MRC2: variants seen among roughly 807,000 people sequenced by gnomAD.
MRC2 encodes the protein mannose receptor C-type 2.
Under a neutral mutation model 206.2 loss-of-function variants are expected in MRC2, and 84 were observed. The ratio of observed to expected loss-of-function variants is 0.41; its 90% CI spans 0.34 to 0.49. The LOEUF (loss-of-function observed/expected upper bound fraction) is 0.49. Among genes scored for constraint, MRC2 ranks in the 20% least tolerant of loss-of-function variants. MRC2 has a pLI of 0.31. For synonymous variants in MRC2, 798 were observed against 800.0 expected (o/e 1.00, Z 0.04); for missense variants, 1,676 against 2,001.5 (o/e 0.84, Z 3.10).
rs546292342 is a variant in MRC2, at chr17:62,673,638, A to G, written c.1462-425A>G. Among the ~76,000 whole-genome samples the G allele has an allele frequency of 2.5e-3, 371 of 151,250 alleles. 1 individual carries two copies. The highest frequency in any genetic ancestry group is 3.7e-3 in the Non-Finnish European group (251 of 67,894). ...ATTCTTCTGCCTGAGCCTCCCAAAT[A>G]GCTGGGATTACAGGCATGCACCACC... On this transcript the variant is annotated intron_variant, in intron 8 of 29. Transcript: ENST00000303375.
intron 9 of MRC2, among the ~76,000 whole-genome samples, chr17:62,674,546 G>A (rs1351529360): frequency 2.0e-5 from 3 of 152,228 alleles, no homozygotes; most frequent in East Asian, 1.9e-4. Flanking sequence ...CCTGTGCACC[G>A]CCAGTCCTGA....
Position 62,690,239 on chromosome 17 carries a change from C to T in MRC2, c.3826C>T (p.His1276Tyr). 6.2e-7 allele frequency: 1 copy of T among 1,613,352 alleles called. No individual in the cohort carries two copies. The highest frequency in any genetic ancestry group is 8.5e-7 in the Non-Finnish European group (1 of 1,179,624). The change falls in exon 26 of 30, where the codon CAC becomes TAC. Residue 1276 changes from histidine to tyrosine, a missense_variant. His to Tyr is a moderately conservative substitution (Grantham distance 83). Transcript: ENST00000303375. ...ADSAWIPFRE[H>Y]CYSFHMELLL... ...CTCCGCGTGGATTCCCTTCCGGGAG[C>T]ACTGCTATTCTTTCCACATGGAGCT...
At position 62,675,861 on chromosome 17, in the gene MRC2, C is replaced by A. The variant is rs781371494; in HGVS notation, c.1641C>A (p.Arg547=). 1.2e-6 allele frequency: 2 copies of A among 1,614,158 alleles called. No individual in the cohort carries two copies. The highest frequency in any genetic ancestry group is 1.7e-6 in the Non-Finnish European group (2 of 1,180,012). Residue 547 remains arginine (R), a synonymous_variant, in exon 10 of 30, where the codon CGC becomes CGA. Coordinates refer to ENST00000303375, the MANE Select transcript of MRC2 (RefSeq NM_006039.5). The surrounding 1 kb of genome is among the most constrained non-coding windows in gnomAD (Gnocchi z 4.1). ...EDQVTYSEAR[R]LCTDHGSQLV... ...AAGTGACCTACAGTGAGGCCCGGCGCCTGTGCACTGACCATGGCTCTCAGC... is the reference window on the plus strand; with the variant it reads ...AAGTGACCTACAGTGAGGCCCGGCGACTGTGCACTGACCATGGCTCTCAGC...
intron 8 of MRC2, among the ~76,000 whole-genome samples, chr17:62,673,259 G>A (rs148879576): frequency 2.3e-3 from 352 of 152,260 alleles, no homozygotes; most frequent in Non-Finnish European, 4.2e-3. Flanking sequence ...CTGCTGGCTG[G>A]GGGCCTGTGG....
chr17:62,627,979 G>A, intron 1 of MRC2, 59 bp downstream of exon 1: 2 of 1,197,358 alleles, frequency 1.7e-6, no homozygotes, highest in East Asian at 3.1e-5. Context: ...GCCGAGGCGC[G>A]GGCCGCTCTC....
intron 25 of MRC2, 41 bp from the exon 26 acceptor site, chr17:62,690,115 G>T (rs201021613): frequency 2.5e-5 from 40 of 1,583,078 alleles, no homozygotes; most frequent in Admixed American, 1.7e-5. Context: ...GGTGGCCCCG[G>T]GGAGGGTGCT....
rs2088827064 is a variant in MRC2 at position 62,671,650 on chromosome 17, C to T, written c.1119C>T (p.Asp373=). ...PNATAEPTPP[D]RWANVKVECE... ...CAGCAGCCTCATGGGTCTCTGCAGA[C>T]AGGTGGGCCAATGTGAAGGTGGAGT... Residue 373 remains aspartate, a splice_region_variant and synonymous_variant, in exon 7 of 30, where the codon GAC becomes GAT. Transcript: ENST00000303375. This position sits in a 1 kb window ranked among gnomAD's most constrained non-coding sequence, Gnocchi z 4.5. 8 of 1,577,764 alleles carry T rather than the reference C, an allele frequency of 5.1e-6. No homozygotes were observed. The East Asian group carries it at 1.8e-4, about 35-fold the overall frequency.
At chr17:62,661,562 C>CTCCTTCCTTCCTTCATTCCT (rs2088681377) in intron 1 of MRC2, 1 of 125,462 alleles carries the variant, frequency 8.0e-6, no homozygotes. Flanking sequence ...TTCTTTCTTT[C>CTCCTTCCTTCCTTCATTCCT]TCCTTCCTTC....
At position 62,675,546 on chromosome 17, in the gene MRC2, G is replaced by A. The variant is rs922425071; in HGVS notation, c.1570-244G>A. Among the ~76,000 whole-genome samples the A allele has an allele frequency of 2.6e-5, 4 of 152,232 alleles. No individual in the cohort carries two copies. The highest frequency in any genetic ancestry group is 7.2e-5 in the African/African-American group (3 of 41,444). On this transcript the variant is annotated intron_variant, in intron 9 of 29. Transcript: ENST00000303375. The surrounding 1 kb of genome is among the most constrained non-coding windows in gnomAD (Gnocchi z 4.1). ...GAGCCGGGTCACTGGCCGGTCGCTG[G>A]TGGCCTGCCAATCAGCCACGCTGGG...
Position 62,627,898 on chromosome 17 carries a change from C to T in MRC2, c.96C>T (p.Ala32=). The T allele has an allele frequency of 6.8e-7, 1 of 1,469,622 alleles. No homozygotes were observed. The highest frequency in any genetic ancestry group is 9.0e-7 in the Non-Finnish European group (1 of 1,117,210). 91.0% of individuals were successfully genotyped at this position (1,469,622 alleles called of 1,614,324 possible). A position where few individuals can be genotyped will look rare whatever the true frequency, so the allele number is the denominator to read the frequency against. Residue 32 remains alanine, a synonymous_variant, in exon 1 of 30, where the codon GCC becomes GCT. Transcript: ENST00000303375. ...LGCLHLGRPG[A]PGDAALPEPN... is the part of the protein sequence containing the mutation. Reference sequence around the variant, plus strand: ...GCCTGCACCTCGGCCGTCCCGGCGCCCCTGGGGACGCCGCCCTCCCGGGTA... The same window carrying T: ...GCCTGCACCTCGGCCGTCCCGGCGCTCCTGGGGACGCCGCCCTCCCGGGTA...
At position 62,671,770 on chromosome 17, in the gene MRC2, C is replaced by A. The variant is rs35060355; in HGVS notation, c.1239C>A (p.Gly413=). 2.5e-6 allele frequency: 4 copies of A among 1,612,750 alleles called. No individual in the cohort carries two copies. Among genetic ancestry groups the A allele is most frequent in the Non-Finnish European group, 2.5e-6 (3 of 1,179,224 alleles). The change falls in exon 7 of 30, where the codon GGC becomes GGA. Residue 413 remains glycine, a synonymous_variant. Coordinates refer to ENST00000303375, the MANE Select transcript of MRC2 (RefSeq NM_006039.5). The surrounding 1 kb of genome is among the most constrained non-coding windows in gnomAD (Gnocchi z 4.5). ...AGTCCAAGAAGGCATGTCTACGGGGCGGTGGCGACCTGGTCAGCATCCACA... is the reference window on the plus strand; with the variant it reads ...AGTCCAAGAAGGCATGTCTACGGGGAGGTGGCGACCTGGTCAGCATCCACA... ...WQESKKACLR[G]GGDLVSIHSM...
chr17:62,671,670 T>G lies in MRC2; in HGVS notation c.1139T>G (p.Val380Gly), dbSNP rs2088827495. The change falls in exon 7 of 30, where the codon GTG (valine) becomes GGG (glycine). Residue 380 changes from valine to glycine, a missense_variant. Transcript: ENST00000303375. The surrounding 1 kb of genome is among the most constrained non-coding windows in gnomAD (Gnocchi z 4.5). ...GCAGACAGGTGGGCCAATGTGAAGG[T>G]GGAGTGCGAGCCGAGCTGGCAGCCC... ...TPPDRWANVK[V>G]ECEPSWQPFQ... The G allele has an allele frequency of 2.5e-6, 4 of 1,595,014 alleles. No individual in the cohort carries two copies. Among genetic ancestry groups the G allele is most frequent in the Non-Finnish European group, 3.4e-6 (4 of 1,169,818 alleles).
intron 1 of MRC2, among the ~76,000 whole-genome samples, chr17:62,662,493 C>T (rs911591079): frequency 2.0e-5 from 3 of 152,184 alleles, no homozygotes; most frequent in Non-Finnish European, 4.4e-5. Flanking sequence ...TGTGCCAGAT[C>T]CTGTTCCAAA....
At chr17:62,639,613 TA>T (rs533884568) in intron 1 of MRC2, among the ~76,000 whole-genome samples, 12 of 152,016 alleles carry the variant, frequency 7.9e-5, no homozygotes, top group Middle Eastern at 6.8e-3. Context: ...ATCTCAAAGA[TA>T]AAAAAAATGT....
intron 23 of MRC2, 114 bp from the exon 24 acceptor site, chr17:62,689,408 C>G (rs1010906925): frequency 4.3e-6 from 3 of 692,036 alleles, no homozygotes; most frequent in East Asian, 2.7e-5. Flanking sequence ...GGCCAAGCGC[C>G]GAGTCTGGTG....
In MRC2 at chr17:62,692,215, C is replaced by A. The variant is rs1245791799; in HGVS notation, c.4220-16C>A. On this transcript the variant is annotated splice_polypyrimidine_tract_variant and intron_variant, in intron 29 of 29. Coordinates refer to ENST00000303375, the MANE Select transcript of MRC2 (RefSeq NM_006039.5). The surrounding 1 kb of genome is among the most constrained non-coding windows in gnomAD (Gnocchi z 4.2). Reference sequence around the variant, plus strand: ...CTAACGCCCACTTGGCCTTTCACGCCCACTCGCCTTGGCAGCGCTTCCAGA... The same window carrying A: ...CTAACGCCCACTTGGCCTTTCACGCACACTCGCCTTGGCAGCGCTTCCAGA... 3 of 1,612,824 alleles carry A rather than the reference C, an allele frequency of 1.9e-6. No individual in the cohort carries two copies. The highest frequency in any genetic ancestry group is 2.5e-6 in the Non-Finnish European group (3 of 1,179,336).
At chr17:62,690,437 C>T in intron 26 of MRC2, 132 bp downstream of exon 26, 2 of 1,378,468 alleles carry the variant, frequency 1.5e-6, no homozygotes, top group Non-Finnish European at 2.0e-6. Flanking sequence ...CCCTCGTGCT[C>T]TCACATGTGG....
Position 62,666,375 on chromosome 17 carries a change from G to A in MRC2, c.695-80G>A. The A allele has an allele frequency of 1.2e-6, 2 of 1,602,436 alleles. No individual in the cohort carries two copies. Among genetic ancestry groups the A allele is most frequent in the Non-Finnish European group, 8.5e-7 (1 of 1,175,806 alleles). ...GATACTGCCCCCTCCCCTACCTAGT[G>A]TAGCCTTTTGGTGGGGGAGGGTCTG... On this transcript the variant is annotated intron_variant, in intron 3 of 29. Coordinates refer to ENST00000303375, the MANE Select transcript of MRC2 (RefSeq NM_006039.5). The surrounding 1 kb of genome is among the most constrained non-coding windows in gnomAD (Gnocchi z 5.0).
At chr17:62,647,436 C>CG (rs2088504014) in intron 1 of MRC2, among the ~76,000 whole-genome samples, 1 of 151,906 alleles carries the variant, frequency 6.6e-6, no homozygotes, top group African/African-American at 2.4e-5. Context: ...CCACCCGCCT[C>CG]GGCCTCCTGA....
Sources: gnomAD v4.1 joint callset for allele counts (sites outside exome capture counted in the v4.1 genomes callset) on GRCh38, gnomAD v4.1.1 for gene constraint, Gnocchi (gnomAD v3.1) non-coding constraint, MANE v1.5 for transcripts, NCBI Gene and HGNC (gene_info 2026-07-23, HGNC 2026-07-21) for gene names.